WAPL: variants seen among roughly 807,000 people sequenced by gnomAD.
WAPL encodes the protein WAPL cohesin release factor, also known as wings apart-like protein homolog.
A neutral mutation model predicts 121.0 loss-of-function variants in WAPL; 5 were observed. That is an observed-to-expected ratio of 0.04 (90% CI 0.02 to 0.09). The LOEUF is 0.09. WAPL is among the 10% of genes least tolerant of loss of function. WAPL has a pLI of 1.00. For missense variants in WAPL, 999 were observed against 1,410.8 expected, an observed-to-expected ratio of 0.71 and a Z score of 4.68; for synonymous variants, 480 against 481.5, an observed-to-expected ratio of 1.00 and a Z score of 0.04.
At chr10:86,517,300 T>C (rs994784864) in intron 2 of WAPL, among the ~76,000 whole-genome samples, 1 of 152,172 alleles carries the variant, frequency 6.6e-6, no homozygotes, top group African/African-American at 2.4e-5. Context: ...CAAAAAGAGA[T>C]ATTTCTTATT....
chr10:86,445,777 C>T (rs1163695630), intron 16 of WAPL, among the ~76,000 whole-genome samples: 1 of 152,040 alleles, frequency 6.6e-6, no homozygotes, highest in Non-Finnish European at 1.5e-5. Context: ...CTTCAGCCTC[C>T]CAAAGTGCTG....
chr10:86,453,469 C>G, intron 13 of WAPL, 134 bp from the exon 14 acceptor site: 1 of 1,182,670 alleles, frequency 8.5e-7, no homozygotes, highest in Non-Finnish European at 1.2e-6. Flanking sequence ...ATTGATACTT[C>G]TGGGTCAAGC....
In WAPL at chr10:86,509,512, A is replaced by AT. The variant is rs1016867248; in HGVS notation, c.499+8058dup. The stretch of plus-strand genomic sequence containing the variant: ...GCTACACTCCCGCACCACTCTATAT[A>AT]TTTTTTCCTTTTCAGCACACTTGTG... On this transcript the variant is annotated intron_variant, in intron 2 of 18. Transcript: ENST00000298767. 1.1e-4 allele frequency among the ~76,000 whole-genome samples: 16 copies of AT among 152,186 alleles called. 1 individual carries two copies. In the East Asian group the frequency reaches 2.9e-3, roughly 28 times the overall value.
At chr10:86,465,821 G>A (rs375620873) in intron 9 of WAPL, among the ~76,000 whole-genome samples, 1 of 152,066 alleles carries the variant, frequency 6.6e-6, no homozygotes, top group Non-Finnish European at 1.5e-5. Flanking sequence ...GGACTCTGGA[G>A]GTACATTTGC....
intron 4 of WAPL, among the ~76,000 whole-genome samples, chr10:86,494,435 C>T (rs1842111818): frequency 6.6e-6 from 1 of 152,106 alleles, no homozygotes; most frequent in Admixed American, 6.5e-5. Context: ...TTCTCGAAAA[C>T]AAAGAGTAAA....
At chr10:86,449,839 C>G (rs1463595488) in intron 15 of WAPL, among the ~76,000 whole-genome samples, 4 of 152,054 alleles carry the variant, frequency 2.6e-5, no homozygotes, top group African/African-American at 9.7e-5. Context: ...TTGGTGGTAG[C>G]TAGGAGACAG....
chr10:86,477,694 G>A (rs1283298529), intron 4 of WAPL, among the ~76,000 whole-genome samples: 2 of 152,066 alleles, frequency 1.3e-5, no homozygotes, highest in Non-Finnish European at 2.9e-5. Flanking sequence ...CCAGCTACTT[G>A]GGAGGCTGAG....
chr10:86,452,186 A>G (rs1367671173), intron 14 of WAPL, 55 bp from the exon 15 acceptor site: 2 of 1,545,810 alleles, frequency 1.3e-6, no homozygotes, highest in African/African-American at 1.4e-5. Flanking sequence ...AAAACAAATG[A>G]ACACAATATA....
intron 2 of WAPL, among the ~76,000 whole-genome samples, chr10:86,514,453 G>T (rs1446634828): frequency 4.6e-5 from 7 of 152,200 alleles, no homozygotes; most frequent in African/African-American, 1.7e-4. Context: ...AATATTCATA[G>T]TGCTACACCA....
At position 86,513,844 on chromosome 10, in the gene WAPL, A is replaced by C. The variant is rs566454493; in HGVS notation, c.499+3727T>G. On this transcript the variant is annotated intron_variant, in intron 2 of 18. Transcript: ENST00000298767. ...AAGGACACTCAACACTCCACTGGAA[A>C]GATATGACGGAACTTCACCTGTGCA... 6.6e-5 allele frequency among the ~76,000 whole-genome samples: 10 copies of C among 152,318 alleles called. No individual in the cohort carries two copies. In the South Asian group the frequency reaches 2.1e-3, roughly 32 times the overall value.
At chr10:86,467,024 G>A in intron 9 of WAPL, 1 of 373,518 alleles carries the variant, frequency 2.7e-6, no homozygotes, top group Non-Finnish European at 4.9e-6. Flanking sequence ...AAAAAATAAA[G>A]AGAAAAGGAT....
At chr10:86,505,389 A>G (rs574754351) in intron 2 of WAPL, among the ~76,000 whole-genome samples, 1 of 135,432 alleles carries the variant, frequency 7.4e-6, no homozygotes, top group East Asian at 2.2e-4. Context: ...CGTTCAAGTG[A>G]TATTCTCCTG....
chr10:86,443,248 T>TA, intron 17 of WAPL, 27 bp downstream of exon 17: 2 of 1,554,530 alleles, frequency 1.3e-6, no homozygotes, highest in South Asian at 2.3e-5. Flanking sequence ...CAAAGATACA[T>TA]AAAACATCAC....
intron 2 of WAPL, among the ~76,000 whole-genome samples, chr10:86,517,246 C>T (rs945112771): frequency 6.6e-6 from 1 of 152,120 alleles, no homozygotes; most frequent in Non-Finnish European, 1.5e-5. Flanking sequence ...CCATCCAAAT[C>T]CTCCACAGTA....
chr10:86,507,916 C>T (rs1016182952), intron 2 of WAPL, among the ~76,000 whole-genome samples: 2 of 152,068 alleles, frequency 1.3e-5, no homozygotes, highest in East Asian at 3.8e-4. Flanking sequence ...GCAATAACAC[C>T]CTAAATTCCC....
intron 15 of WAPL, among the ~76,000 whole-genome samples, chr10:86,449,499 A>C (rs1840917389): frequency 1.3e-5 from 2 of 152,244 alleles, no homozygotes; most frequent in Non-Finnish European, 2.9e-5. Flanking sequence ...CTGAAGGACA[A>C]GAGGCTTCTA....
At chr10:86,520,954 G>A (rs918408618) in intron 1 of WAPL, among the ~76,000 whole-genome samples, 5 of 152,006 alleles carry the variant, frequency 3.3e-5, no homozygotes, top group East Asian at 3.9e-4. Context: ...GGGCGCGATG[G>A]ACCCCTCGGA....
intron 12 of WAPL, among the ~76,000 whole-genome samples, chr10:86,455,174 C>T (rs1005882848): frequency 1.3e-5 from 2 of 152,170 alleles, no homozygotes; most frequent in Non-Finnish European, 2.9e-5. Flanking sequence ...GCCGCCACCC[C>T]GTCTGGGAGG....
At chr10:86,517,385 GTTGT>G (rs1320232615) in intron 2 of WAPL, among the ~76,000 whole-genome samples, 182 bp downstream of exon 2, 1 of 152,212 alleles carries the variant, frequency 6.6e-6, no homozygotes, top group Non-Finnish European at 1.5e-5. Flanking sequence ...TAACATCCAA[GTTGT>G]TTATTTCAAC....
Sources: allele counts gnomAD v4.1 joint callset (sites outside exome capture counted in the v4.1 genomes callset), GRCh38; gene constraint gnomAD v4.1.1; transcripts MANE v1.5; gene names NCBI Gene and HGNC (gene_info 2026-07-23, HGNC 2026-07-21).